The following FAT3 variants were observed in gnomAD, a reference collection of about 807,000 sequenced individuals.
FAT3 encodes the protein FAT atypical cadherin 3.
FAT3 carries 95 observed loss-of-function variants against 310.2 expected under a neutral mutation model. The observed-to-expected ratio is 0.31, with a 90% CI of 0.26 to 0.36. FAT3 has a LOEUF of 0.36. FAT3 is among the 10% of genes least tolerant of loss of function. The pLI is 1.00. For missense variants in FAT3, 5,408 were observed against 5,715.6 expected (o/e 0.95, Z 1.74); for synonymous variants, 2,314 against 2,192.9 (o/e 1.06, Z -1.54).
At chr11:92,866,524 C>T (rs1420214839) in intron 21 of FAT3, among the ~76,000 whole-genome samples, 1 of 152,154 alleles carries the variant, frequency 6.6e-6, no homozygotes, top group African/African-American at 2.4e-5. Flanking sequence ...TATTACTAAT[C>T]ACAAGATTTG....
chr11:92,512,745 T>G (rs1282448310), intron 2 of FAT3, among the ~76,000 whole-genome samples: 1 of 151,582 alleles, frequency 6.6e-6, no homozygotes, highest in African/African-American at 2.4e-5. Context: ...TTGGGCCTGG[T>G]GCAGGAACTC....
chr11:92,506,747 T>C (rs1417644615), intron 2 of FAT3, among the ~76,000 whole-genome samples: 1 of 152,184 alleles, frequency 6.6e-6, no homozygotes, highest in African/African-American at 2.4e-5. Context: ...CTTCCCCGGC[T>C]TGAAGAAACT....
chr11:92,869,730 T>C (rs575996152), intron 22 of FAT3, among the ~76,000 whole-genome samples: 1 of 152,310 alleles, frequency 6.6e-6, no homozygotes, highest in African/African-American at 2.4e-5. Flanking sequence ...TGTAGCTAAT[T>C]AAAAGGTTAC....
At chr11:92,886,930 G>A in intron 24 of FAT3, 70 bp from the exon 25 acceptor site, 1 of 1,217,984 alleles carries the variant, frequency 8.2e-7, no homozygotes, top group East Asian at 2.5e-5. Context: ...GCTGAGAGGG[G>A]TGGGTGGGAC....
At chr11:92,739,676 G>A (rs1945449939) in intron 4 of FAT3, among the ~76,000 whole-genome samples, 1 of 152,190 alleles carries the variant, frequency 6.6e-6, no homozygotes, top group Non-Finnish European at 1.5e-5. Flanking sequence ...TTTAAGCATA[G>A]AATGAGATTT....
At chr11:92,300,926 G>A (rs777329039) in intron 1 of FAT3, among the ~76,000 whole-genome samples, 4 of 152,014 alleles carry the variant, frequency 2.6e-5, no homozygotes, top group South Asian at 2.1e-4. Flanking sequence ...GGATTGTTTC[G>A]TTGTTCTGGT....
At chr11:92,649,153 G>A (rs1178989974) in intron 3 of FAT3, among the ~76,000 whole-genome samples, 1 of 152,108 alleles carries the variant, frequency 6.6e-6, no homozygotes, top group Non-Finnish European at 1.5e-5. Context: ...ATGAAGACTG[G>A]CATTTCTCCT....
intron 1 of FAT3, among the ~76,000 whole-genome samples, chr11:92,231,674 T>C (rs1864186776): frequency 6.6e-6 from 1 of 152,218 alleles, no homozygotes; most frequent in Non-Finnish European, 1.5e-5. Context: ...TATTTTGAGA[T>C]AAGCCCCAAA....
rs546038628 is a variant in FAT3 at position 92,448,125 on chromosome 11, A to G, written c.3293-76509A>G. Among the ~76,000 whole-genome samples, 5 of 152,272 alleles carry G rather than the reference A, an allele frequency of 3.3e-5. No homozygotes were observed. The South Asian group carries it at 1.0e-3, about 32-fold the overall frequency. ...GCCAGTTCCCTTAATGTAAACTGTGATTAAAATCACACTTACCTTTTAGAG... is the reference window on the plus strand; with the variant it reads ...GCCAGTTCCCTTAATGTAAACTGTGGTTAAAATCACACTTACCTTTTAGAG... On this transcript the variant is annotated intron_variant, in intron 2 of 27. Transcript: ENST00000525166.
intron 3 of FAT3, among the ~76,000 whole-genome samples, chr11:92,561,642 T>C (rs994612795): frequency 3.3e-5 from 5 of 151,972 alleles, no homozygotes; most frequent in African/African-American, 1.2e-4. Context: ...TTATTTATTT[T>C]TGAGACGGAG....
chr11:92,668,068 A>G (rs1029931983), intron 3 of FAT3, among the ~76,000 whole-genome samples: 1 of 152,208 alleles, frequency 6.6e-6, no homozygotes, highest in Non-Finnish European at 1.5e-5. Flanking sequence ...TGTTGAGCTC[A>G]TATTTTACCT....
chr11:92,647,158 T>A (rs943972108), intron 3 of FAT3, among the ~76,000 whole-genome samples: 3 of 152,196 alleles, frequency 2.0e-5, no homozygotes, highest in African/African-American at 7.2e-5. Flanking sequence ...ACTTTAATTA[T>A]CTTTCGTTTT....
At chr11:92,384,279 C>T (rs1402246439) in intron 2 of FAT3, among the ~76,000 whole-genome samples, 1 of 152,124 alleles carries the variant, frequency 6.6e-6, no homozygotes, top group Non-Finnish European at 1.5e-5. Flanking sequence ...CTCACTACTG[C>T]TAAGAAGCCT....
At position 92,764,926 on chromosome 11, in the gene FAT3, C is replaced by T; in HGVS notation, c.4032C>T (p.Arg1344=). 6.2e-7 allele frequency: 1 copy of T among 1,613,870 alleles called. No individual in the cohort carries two copies. The highest frequency in any genetic ancestry group is 1.6e-4 in the Middle Eastern group (1 of 6,062). ...NGRPQKSSTA[R]LHIEWIKKPP... Reference sequence around the variant, plus strand: ...GCCCACAGAAATCCTCCACGGCCCGCCTCCACATTGAATGGATTAAGAAAC... The same window carrying T: ...GCCCACAGAAATCCTCCACGGCCCGTCTCCACATTGAATGGATTAAGAAAC... Residue 1344 remains arginine (R), a synonymous_variant, in exon 6 of 28, where the codon CGC becomes CGT. Transcript: ENST00000525166.
intron 3 of FAT3, among the ~76,000 whole-genome samples, chr11:92,637,418 T>C (rs1027027143): frequency 6.6e-6 from 1 of 152,184 alleles, no homozygotes. Context: ...GCACCATTTG[T>C]TTCAGTAACA....
At chr11:92,476,023 C>T (rs924408592) in intron 2 of FAT3, among the ~76,000 whole-genome samples, 1 of 151,966 alleles carries the variant, frequency 6.6e-6, no homozygotes, top group Non-Finnish European at 1.5e-5. Context: ...TCAAGGTTCA[C>T]ATGTCTAATG....
intron 2 of FAT3, chr11:92,367,361 C>G (rs1046856068): frequency 1.9e-5 from 3 of 157,654 alleles, no homozygotes; most frequent in Non-Finnish European, 2.8e-5. Flanking sequence ...TTTGGGAGGC[C>G]AAAACAGGAA....
At chr11:92,315,479 G>GTGTATATATATA (rs1555009286) in intron 1 of FAT3, among the ~76,000 whole-genome samples, 4 of 65,192 alleles carry the variant, frequency 6.1e-5, no homozygotes, top group Non-Finnish European at 9.1e-5. Context: ...GTGTGTGTGT[G>GTGTATATATATA]TATATATATA....
At chr11:92,788,578 G>C (rs1946959126) in intron 7 of FAT3, among the ~76,000 whole-genome samples, 1 of 152,092 alleles carries the variant, frequency 6.6e-6, no homozygotes, top group Admixed American at 6.6e-5. Context: ...TCTGTATAAT[G>C]ATTGCCAGTG....
Sources: allele counts gnomAD v4.1 joint callset (sites outside exome capture counted in the v4.1 genomes callset), GRCh38; gene constraint gnomAD v4.1.1; transcripts MANE v1.5; gene names NCBI Gene and HGNC (gene_info 2026-07-23, HGNC 2026-07-21).